MOXD1: variants seen among roughly 807,000 people sequenced by gnomAD.
MOXD1 encodes monooxygenase DBH like 1.
Under a neutral mutation model 66.6 loss-of-function variants are expected in MOXD1, and 62 were observed. That is an observed-to-expected ratio of 0.93 (90% CI 0.76 to 1.15). The LOEUF is 1.15. Ranked by LOEUF, MOXD1 falls within the 50% of genes most tolerant of loss-of-function variation. The pLI, the probability that MOXD1 is intolerant of heterozygous loss-of-function variation, is 0.00. For synonymous variants in MOXD1, 303 were observed against 281.9 expected (o/e 1.07, Z -0.75); for missense variants, 847 against 754.6 (o/e 1.12, Z -1.44).
At chr6:132,377,428 A>T (rs1203763608) in intron 1 of MOXD1, among the ~76,000 whole-genome samples, 2 of 152,234 alleles carry the variant, frequency 1.3e-5, no homozygotes, top group African/African-American at 2.4e-5. Context: ...TAGAATAATT[A>T]TCCGAGTCTT....
intron 10 of MOXD1, among the ~76,000 whole-genome samples, chr6:132,299,680 A>T (rs1569521): frequency 0.46 from 70,250 of 151,846 alleles, 18,063 homozygotes; most frequent in East Asian, 0.69. Flanking sequence ...TTGATTCCTG[A>T]AAAAGGGAAA....
At chr6:132,333,335 CAAAAA>C (rs35163669) in intron 4 of MOXD1, among the ~76,000 whole-genome samples, 11 of 72,490 alleles carry the variant, frequency 1.5e-4, no homozygotes, top group Non-Finnish European at 2.6e-4. Flanking sequence ...GACTCCGTCT[CAAAAA>C]AAAAAAAAAA....
intron 4 of MOXD1, among the ~76,000 whole-genome samples, chr6:132,372,056 C>T (rs545108076): frequency 6.6e-6 from 1 of 152,240 alleles, no homozygotes; most frequent in Admixed American, 6.5e-5. Flanking sequence ...CTGGGAGGCC[C>T]ATTCCAGAAG....
chr6:132,398,582 C>T (rs535379613), intron 1 of MOXD1, among the ~76,000 whole-genome samples: 8 of 152,020 alleles, frequency 5.3e-5, no homozygotes, highest in Admixed American at 1.3e-4. Context: ...ATGTTGTTCT[C>T]GCCGGGAGCA....
intron 4 of MOXD1, among the ~76,000 whole-genome samples, chr6:132,360,119 G>A (rs7763146): frequency 0.3 from 45,887 of 152,008 alleles, 8,644 homozygotes; most frequent in African/African-American, 0.53. Context: ...GCTTCCTCAG[G>A]GACCAATGTG....
chr6:132,339,908 C>G (rs1051313554), intron 4 of MOXD1, among the ~76,000 whole-genome samples: 12 of 145,962 alleles, frequency 8.2e-5, no homozygotes, highest in African/African-American at 2.9e-4. Context: ...CTCACTCCGT[C>G]ACCCAGGCTA....
intron 4 of MOXD1, among the ~76,000 whole-genome samples, chr6:132,330,568 GT>G (rs1199250880): frequency 6.6e-6 from 1 of 152,170 alleles, no homozygotes; most frequent in African/African-American, 2.4e-5. Flanking sequence ...TCCCCTCAGA[GT>G]TCTTGGAATC....
At chr6:132,327,885 G>T (rs1215625581) in intron 6 of MOXD1, 128 bp downstream of exon 6, 2 of 667,526 alleles carry the variant, frequency 3.0e-6, no homozygotes, top group East Asian at 2.8e-5. Flanking sequence ...ATCCTAATTT[G>T]AATGACAAAT....
At position 132,372,842 on chromosome 6, in the gene MOXD1, C is replaced by A; in HGVS notation, c.567G>T (p.Leu189=). Residue 189 remains leucine (L), a synonymous_variant, in exon 3 of 12, where the codon CTG becomes CTT. Coordinates refer to ENST00000367963, the MANE Select transcript of MOXD1 (RefSeq NM_015529.4). ...TGAAAACACTTACGTCCTGATTTAC[C>A]AGATCAAAGTATGGTAAGGCTGTAG... ...VLSTALPYFD[L]VNQDVPIPNK... is the part of the protein sequence containing the mutation. The A allele has an allele frequency of 6.2e-7, 1 of 1,613,820 alleles. No individual in the cohort carries two copies. The highest frequency in any genetic ancestry group is 1.1e-5 in the South Asian group (1 of 91,052).
intron 10 of MOXD1, among the ~76,000 whole-genome samples, chr6:132,314,094 A>T (rs1455779355): frequency 6.6e-6 from 1 of 152,348 alleles, no homozygotes; most frequent in African/African-American, 2.4e-5. Flanking sequence ...TCTCACTGAC[A>T]TCAGTAAGAA....
chr6:132,339,793 C>G (rs1775512159), intron 4 of MOXD1, among the ~76,000 whole-genome samples: 1 of 151,940 alleles, frequency 6.6e-6, no homozygotes, highest in South Asian at 2.1e-4. Context: ...TGCCATTTCT[C>G]TACCATGAGG....
intron 8 of MOXD1, among the ~76,000 whole-genome samples, chr6:132,321,213 G>C (rs1005761311): frequency 6.6e-6 from 1 of 151,360 alleles, no homozygotes; most frequent in Non-Finnish European, 1.5e-5. Flanking sequence ...GCAGTGAGCC[G>C]AGATCGCACC....
intron 10 of MOXD1, among the ~76,000 whole-genome samples, chr6:132,314,776 T>C (rs1214051940): frequency 6.6e-6 from 1 of 152,226 alleles, no homozygotes; most frequent in Non-Finnish European, 1.5e-5. Context: ...TTTGTCTTCA[T>C]AACATCTATT....
At chr6:132,304,874 C>G (rs1774651263) in intron 10 of MOXD1, among the ~76,000 whole-genome samples, 1 of 152,044 alleles carries the variant, frequency 6.6e-6, no homozygotes, top group African/African-American at 2.4e-5. Context: ...TATTGAGTAA[C>G]AGGAGTTCTT....
At chr6:132,319,780 T>A (rs1775037361) in intron 9 of MOXD1, among the ~76,000 whole-genome samples, 1 of 152,096 alleles carries the variant, frequency 6.6e-6, no homozygotes, top group Admixed American at 6.5e-5. Flanking sequence ...TATAGCTTTT[T>A]CATAGCTAAC....
chr6:132,383,031 G>C (rs1776542929), intron 1 of MOXD1, among the ~76,000 whole-genome samples: 1 of 152,188 alleles, frequency 6.6e-6, no homozygotes, highest in South Asian at 2.1e-4. Context: ...TTGGAAAACT[G>C]AATGTAAGCA....
At chr6:132,357,355 T>G (rs1233722738) in intron 4 of MOXD1, among the ~76,000 whole-genome samples, 1 of 152,124 alleles carries the variant, frequency 6.6e-6, no homozygotes, top group Non-Finnish European at 1.5e-5. Flanking sequence ...AAAAAGAACT[T>G]AGTTCTCTAA....
At chr6:132,388,383 G>A (rs896417856) in intron 1 of MOXD1, among the ~76,000 whole-genome samples, 10 of 151,364 alleles carry the variant, frequency 6.6e-5, no homozygotes, top group African/African-American at 1.9e-4. Context: ...TTCACACCCC[G>A]TCTAGAAGAT....
chr6:132,372,817 T>C lies in MOXD1; in HGVS notation c.579+13A>G, dbSNP rs969164692. On this transcript the variant is annotated intron_variant, in intron 3 of 11. Transcript: ENST00000367963. ...AGCCCATCCCTACAATCATAAAACCTGAAAACACTTACGTCCTGATTTACC... is the reference window on the plus strand; with the variant it reads ...AGCCCATCCCTACAATCATAAAACCCGAAAACACTTACGTCCTGATTTACC... The C allele has an allele frequency of 2.5e-6, 4 of 1,612,826 alleles. No homozygotes were observed. The highest frequency in any genetic ancestry group is 3.4e-6 in the Non-Finnish European group (4 of 1,179,106).
Sources: allele counts gnomAD v4.1 joint callset (sites outside exome capture counted in the v4.1 genomes callset), GRCh38; gene constraint gnomAD v4.1.1; transcripts MANE v1.5; gene names NCBI Gene and HGNC (gene_info 2026-07-23, HGNC 2026-07-21).